Variants in LMO7 observed in about 807,000 individuals in gnomAD.
LMO7 encodes LIM domain only protein 7.
A neutral mutation model predicts 206.5 loss-of-function variants in LMO7; 120 were observed. The observed-to-expected ratio is 0.58, with a 90% CI of 0.50 to 0.68. The LOEUF (loss-of-function observed/expected upper bound fraction) is 0.68, where lower values mean the gene tolerates loss of function less well. LMO7 is among the 30% of genes least tolerant of loss of function. LMO7 has a pLI of 0.00. For missense variants in LMO7, 1,959 were observed against 1,957.9 expected (o/e 1.00, Z -0.01); for synonymous variants, 706 against 681.5 (o/e 1.04, Z -0.56).
At chr13:75,791,807 AGTT>A (rs2053322931) in intron 4 of LMO7, among the ~76,000 whole-genome samples, 1 of 152,140 alleles carries the variant, frequency 6.6e-6, no homozygotes, top group Non-Finnish European at 1.5e-5. Context: ...TTGTTCACAG[AGTT>A]GTTGTTCTTT....
intron 10 of LMO7, among the ~76,000 whole-genome samples, chr13:75,808,583 G>A (rs557851382): frequency 6.6e-6 from 1 of 152,052 alleles, no homozygotes; most frequent in Non-Finnish European, 1.5e-5. Flanking sequence ...GATTTTTTTG[G>A]GGGGGTGAAA....
chr13:75,625,778 C>T (rs1347892970), intron 2 of LMO7, among the ~76,000 whole-genome samples: 1 of 152,148 alleles, frequency 6.6e-6, no homozygotes, highest in Non-Finnish European at 1.5e-5. Flanking sequence ...GTTCATGATC[C>T]TTATGAGCAT....
At chr13:75,734,360 C>T (rs571462543) in intron 3 of LMO7, among the ~76,000 whole-genome samples, 166 of 152,262 alleles carry the variant, frequency 1.1e-3, no homozygotes, top group Non-Finnish European at 2.0e-3. Context: ...AAAATCATTG[C>T]AATGATAGGA....
chr13:75,849,582 G>C (rs2060317645), intron 27 of LMO7, among the ~76,000 whole-genome samples: 1 of 151,820 alleles, frequency 6.6e-6, no homozygotes, highest in Non-Finnish European at 1.5e-5. Context: ...TGCAAATCTG[G>C]ATGGGGCATT....
intron 26 of LMO7, among the ~76,000 whole-genome samples, chr13:75,845,636 G>A (rs1352055147): frequency 6.6e-6 from 1 of 152,202 alleles, no homozygotes; most frequent in East Asian, 1.9e-4. Flanking sequence ...ATTTTGCAAA[G>A]CGATGCTGAT....
At position 75,807,936 on chromosome 13, in the gene LMO7, A is replaced by G; in HGVS notation, c.1653A>G (p.Pro551=). 3 of 1,614,014 alleles carry G rather than the reference A, an allele frequency of 1.9e-6. No individual in the cohort carries two copies. Among genetic ancestry groups the G allele is most frequent in the Non-Finnish European group, 2.5e-6 (3 of 1,179,886 alleles). ...TTCCCGAACCCTGGACTCTTCCTCC[A>G]GAAATTCAAGCAAAATTTCTCTGTG... ...VPFPEPWTLP[P]EIQAKFLCVL... Residue 551 remains proline (P), a synonymous_variant, in exon 10 of 31, where the codon CCA becomes CCG. Coordinates refer to ENST00000377534, the MANE Select transcript of LMO7 (RefSeq NM_001306080.2).
intron 28 of LMO7, chr13:75,855,056 T>C (rs2139731107): frequency 2.0e-6 from 1 of 497,584 alleles, no homozygotes; most frequent in Non-Finnish European, 3.6e-6. Context: ...GTGTCAAGGG[T>C]CTCAGAGCTG....
chr13:75,776,204 T>TATATATAA (rs1440052148), intron 4 of LMO7, among the ~76,000 whole-genome samples: 11 of 120,650 alleles, frequency 9.1e-5, no homozygotes, highest in African/African-American at 2.4e-4. Context: ...TATATATATA[T>TATATATAA]AACGTTAAGT....
chr13:75,671,876 G>A (rs900564203), intron 1 of LMO7, among the ~76,000 whole-genome samples: 1 of 151,902 alleles, frequency 6.6e-6, no homozygotes, highest in African/African-American at 2.4e-5. Flanking sequence ...GCATCATCCC[G>A]AGTTGTCACT....
At chr13:75,621,258 G>C (rs559106176) in exon 1 of LMO7, 1 of 152,356 alleles carries the variant, frequency 6.6e-6, no homozygotes, top group South Asian at 2.1e-4. Context: ...GGAATGAATA[G>C]ATTGCATTTT....
rs564993648 is a variant in LMO7 at position 75,711,695 on chromosome 13, C to T, written c.70-1487C>T. Among the ~76,000 whole-genome samples, 43 of 152,330 alleles carry T rather than the reference C, an allele frequency of 2.8e-4. 1 individual carries two copies. The East Asian group carries it at 7.5e-3, about 27-fold the overall frequency. On this transcript the variant is annotated intron_variant, in intron 1 of 30. Transcript: ENST00000377534. The stretch of plus-strand genomic sequence containing the variant: ...AAATGCAGAAATCACCCGTCTTCTG[C>T]GTCGCTCACGCTGGGAGCTGTAGAC...
chr13:75,637,162 T>C (rs1230677949), intron 1 of LMO7, among the ~76,000 whole-genome samples: 1 of 137,128 alleles, frequency 7.3e-6, no homozygotes, highest in Non-Finnish European at 1.5e-5. Context: ...GAGAAGCCAG[T>C]GTATTCAGTG....
At chr13:75,725,858 T>A (rs746691026) in intron 2 of LMO7, among the ~76,000 whole-genome samples, 8 of 152,092 alleles carry the variant, frequency 5.3e-5, no homozygotes, top group Non-Finnish European at 1.0e-4. Context: ...TTTTATAATT[T>A]TGAATCCTGT....
intron 4 of LMO7, among the ~76,000 whole-genome samples, chr13:75,776,624 T>C (rs2050539637): frequency 6.6e-6 from 1 of 152,142 alleles, no homozygotes; most frequent in Non-Finnish European, 1.5e-5. Context: ...TAGGAGGAGA[T>C]AAATATAGTG....
intron 27 of LMO7, among the ~76,000 whole-genome samples, chr13:75,852,595 G>A (rs980900754): frequency 2.6e-5 from 4 of 152,212 alleles, no homozygotes; most frequent in Non-Finnish European, 4.4e-5. Flanking sequence ...TAATTTTACA[G>A]GTGGTTCTCA....
At chr13:75,775,202 G>A (rs1348692053) in intron 4 of LMO7, among the ~76,000 whole-genome samples, 2 of 151,688 alleles carry the variant, frequency 1.3e-5, no homozygotes, top group African/African-American at 4.8e-5. Flanking sequence ...TAAAGTTCTC[G>A]GCAGGGAAAG....
At chr13:75,832,189 A>T (rs1447150030) in intron 15 of LMO7, among the ~76,000 whole-genome samples, 2 of 152,214 alleles carry the variant, frequency 1.3e-5, no homozygotes, top group African/African-American at 4.8e-5. Context: ...ATTACAAAAG[A>T]AATTAAGGTT....
At chr13:75,738,043 T>C (rs943851719) in intron 3 of LMO7, among the ~76,000 whole-genome samples, 22 of 151,794 alleles carry the variant, frequency 1.4e-4, no homozygotes, top group African/African-American at 5.3e-4. Context: ...AAGAAGACAG[T>C]CGTCTTGGCC....
chr13:75,856,077 C>T lies in LMO7; in HGVS notation c.4771-429C>T, dbSNP rs79980411. On this transcript the variant is annotated intron_variant, in intron 29 of 30. Transcript: ENST00000377534. Reference sequence around the variant, plus strand: ...CGAAATATCCAGCCTTGAAGTGAGGCGCTGTGTGGGAACACTTGCTAAGCT... The same window carrying T: ...CGAAATATCCAGCCTTGAAGTGAGGTGCTGTGTGGGAACACTTGCTAAGCT... Among the ~76,000 whole-genome samples the T allele has an allele frequency of 4.3e-3, 652 of 152,232 alleles. 7 individuals carry two copies. Among genetic ancestry groups the T allele is most frequent in the African/African-American group, 0.015 (635 of 41,540 alleles).
Sources: gnomAD v4.1 joint callset for allele counts (sites outside exome capture counted in the v4.1 genomes callset) on GRCh38, gnomAD v4.1.1 for gene constraint, MANE v1.5 for transcripts, NCBI Gene and HGNC (gene_info 2026-07-23, HGNC 2026-07-21) for gene names.